SOX5: variants seen among roughly 807,000 people sequenced by gnomAD.
The protein encoded by SOX5 is SRY-box transcription factor 5.
In SOX5, 9 loss-of-function variants were observed where a neutral mutation model predicts 92.0. The ratio of observed to expected loss-of-function variants is 0.10; its 90% CI spans 0.06 to 0.17. The LOEUF (loss-of-function observed/expected upper bound fraction) is 0.17, where lower values mean the gene tolerates loss of function less well. Ranked by LOEUF, SOX5 falls within the 10% of genes least tolerant of loss-of-function variation. The pLI is 1.00. For synonymous variants in SOX5, 344 were observed against 336.3 expected, an observed-to-expected ratio of 1.02 and a Z score of -0.25; for missense variants, 642 against 944.5, an observed-to-expected ratio of 0.68 and a Z score of 4.20.
chr12:24,300,122 T>G (rs1947784933), intron 2 of SOX5, among the ~76,000 whole-genome samples: 1 of 152,232 alleles, frequency 6.6e-6, no homozygotes, highest in African/African-American at 2.4e-5. Flanking sequence ...TAAACTTATT[T>G]TGACTTATTC....
chr12:24,339,163 C>CTCCCACA (rs1952273837), intron 2 of SOX5, among the ~76,000 whole-genome samples: 1 of 140,382 alleles, frequency 7.1e-6, no homozygotes, highest in Non-Finnish European at 1.5e-5. Context: ...TCTCTCTCTG[C>CTCCCACA]CACACACACA....
chr12:24,215,165 A>T (rs1475437528), intron 3 of SOX5, among the ~76,000 whole-genome samples: 2 of 152,252 alleles, frequency 1.3e-5, no homozygotes, highest in East Asian at 1.9e-4. Flanking sequence ...ATGGCAAAAC[A>T]TTAACTGTTT....
chr12:23,653,595 G>T (rs753863184), intron 7 of SOX5, among the ~76,000 whole-genome samples: 12 of 152,076 alleles, frequency 7.9e-5, no homozygotes, highest in African/African-American at 2.7e-4. Context: ...AGTTCTGGAG[G>T]CCGGGAAGCC....
chr12:23,844,961 G>A (rs960187863), intron 3 of SOX5, among the ~76,000 whole-genome samples: 9 of 152,172 alleles, frequency 5.9e-5, no homozygotes, highest in Admixed American at 3.9e-4. Context: ...CTCAGATCAT[G>A]AGAACTGCAT....
At chr12:24,209,405 A>G (rs1239113499) in intron 4 of SOX5, among the ~76,000 whole-genome samples, 3 of 152,210 alleles carry the variant, frequency 2.0e-5, no homozygotes, top group Admixed American at 6.5e-5. Context: ...TATTCTTATG[A>G]CTGAAAAGGA....
intron 7 of SOX5, among the ~76,000 whole-genome samples, chr12:23,655,151 T>C (rs1048011984): frequency 6.6e-6 from 1 of 152,088 alleles, no homozygotes. Flanking sequence ...TTGTTCTTCA[T>C]CTCCTTGCCC....
chr12:23,567,284 G>C (rs1375507469), intron 10 of SOX5, among the ~76,000 whole-genome samples: 1 of 151,990 alleles, frequency 6.6e-6, no homozygotes, highest in Non-Finnish European at 1.5e-5. Flanking sequence ...CAGATGGGAG[G>C]GCATGTGTAT....
At chr12:23,603,336 T>C (rs1327071270) in intron 9 of SOX5, among the ~76,000 whole-genome samples, 1 of 151,292 alleles carries the variant, frequency 6.6e-6, no homozygotes. Flanking sequence ...ATTTCAATGA[T>C]TGTGACTATT....
chr12:24,340,704 C>G (rs779779204), intron 2 of SOX5, among the ~76,000 whole-genome samples: 1 of 152,096 alleles, frequency 6.6e-6, no homozygotes, highest in South Asian at 2.1e-4. Context: ...AGGGAAAGAC[C>G]AATGTTGTTT....
intron 2 of SOX5, among the ~76,000 whole-genome samples, chr12:23,861,135 C>T (rs10505908): frequency 0.69 from 104,649 of 151,822 alleles, 36,388 homozygotes; most frequent in East Asian, 0.89. Context: ...CATTGTAAAA[C>T]TAAGGGATAA....
At chr12:24,441,515 G>A (rs966604044) in intron 1 of SOX5, among the ~76,000 whole-genome samples, 3 of 152,144 alleles carry the variant, frequency 2.0e-5, no homozygotes, top group African/African-American at 7.2e-5. Context: ...ATCGGAGCTT[G>A]CTTTTAGCAC....
At position 24,140,045 on chromosome 12, in the gene SOX5, C is replaced by T. The variant is rs576548142; in HGVS notation, c.-2+73298G>A. ...TTTTTCCTAAATGAACAGATTATTT[C>T]TTTAAATTCTATGAGCAAATTCACC... On this transcript the variant is annotated intron_variant, in intron 4 of 4. Coordinates refer to the SOX5 transcript ENST00000446891. Among the ~76,000 whole-genome samples the T allele has an allele frequency of 7.9e-5, 12 of 152,262 alleles. No homozygotes were observed. The South Asian group carries it at 2.5e-3, about 32-fold the overall frequency.
chr12:24,297,989 T>G (rs146148765), intron 2 of SOX5, among the ~76,000 whole-genome samples: 97 of 152,304 alleles, frequency 6.4e-4, no homozygotes, highest in African/African-American at 2.2e-3. Flanking sequence ...ACCCTCCCTA[T>G]GAATACGCAT....
intron 2 of SOX5, among the ~76,000 whole-genome samples, chr12:23,865,036 A>C (rs2096796105): frequency 6.6e-6 from 1 of 152,212 alleles, no homozygotes. Flanking sequence ...TGGTGACATT[A>C]AGTTGAAGCC....
intron 8 of SOX5, among the ~76,000 whole-genome samples, chr12:23,606,279 T>C (rs1444972229): frequency 1.3e-5 from 2 of 151,910 alleles, no homozygotes; most frequent in Non-Finnish European, 2.9e-5. Flanking sequence ...AAACTATATG[T>C]ATATTCACAA....
intron 4 of SOX5, among the ~76,000 whole-genome samples, chr12:23,960,369 T>C (rs938500529): frequency 4.0e-5 from 6 of 151,886 alleles, no homozygotes; most frequent in Admixed American, 6.6e-5. Flanking sequence ...AATTTGGAAA[T>C]GCCTACCAAA....
At chr12:24,117,166 T>G (rs900056780) in intron 4 of SOX5, among the ~76,000 whole-genome samples, 1 of 152,138 alleles carries the variant, frequency 6.6e-6, no homozygotes, top group African/African-American at 2.4e-5. Context: ...TGAACAGACA[T>G]TTCTCAAAAG....
intron 1 of SOX5, among the ~76,000 whole-genome samples, chr12:23,931,291 C>T (rs769668141): frequency 2.0e-5 from 3 of 151,814 alleles, no homozygotes; most frequent in Non-Finnish European, 4.4e-5. Flanking sequence ...AAACAGTTTA[C>T]ATACATACAA....
intron 4 of SOX5, among the ~76,000 whole-genome samples, chr12:24,112,635 A>G (rs901038673): frequency 6.7e-6 from 1 of 148,976 alleles, no homozygotes; most frequent in Non-Finnish European, 1.5e-5. Context: ...AGCTCAAACG[A>G]TCATCCCACT....
Sources: gnomAD v4.1 joint callset for allele counts (sites outside exome capture counted in the v4.1 genomes callset) on GRCh38, gnomAD v4.1.1 for gene constraint, MANE v1.5 for transcripts, NCBI Gene and HGNC (gene_info 2026-07-23, HGNC 2026-07-21) for gene names.